Variants in NUP210L observed in about 807,000 individuals in gnomAD.
The protein encoded by NUP210L is nuclear pore membrane glycoprotein 210-like.
NUP210L carries 74 observed loss-of-function variants against 208.5 expected under a neutral mutation model. That is an observed-to-expected ratio of 0.35 (90% CI 0.29 to 0.43). The LOEUF is 0.43. NUP210L is among the 20% of genes least tolerant of loss of function. NUP210L has a pLI of 1.00. For missense variants in NUP210L, 1,843 were observed against 2,289.4 expected (o/e 0.81, Z 3.98); for synonymous variants, 780 against 816.9 (o/e 0.95, Z 0.77).
intron 16 of NUP210L, among the ~76,000 whole-genome samples, chr1:154,083,102 C>G (rs1655434362): frequency 6.6e-6 from 1 of 152,102 alleles, no homozygotes; most frequent in African/African-American, 2.4e-5. Context: ...ACAAATATTC[C>G]GCAGCACAGA....
intron 19 of NUP210L, 49 bp downstream of exon 19, chr1:154,060,893 A>C: frequency 8.0e-7 from 1 of 1,246,542 alleles, no homozygotes; most frequent in Non-Finnish European, 1.2e-6. Flanking sequence ...AATTTTAATA[A>C]CTTCCCCTCC....
In NUP210L at chr1:154,072,549, G is replaced by C. The variant is rs192942885; in HGVS notation, c.2362-2084C>G. ...GGGTTTCACCGTGTTAGCCAGGATGGTCTTGATCTCCTGACCTCATGATCC... is the reference window on the plus strand; with the variant it reads ...GGGTTTCACCGTGTTAGCCAGGATGCTCTTGATCTCCTGACCTCATGATCC... On this transcript the variant is annotated intron_variant, in intron 16 of 39. Coordinates refer to ENST00000368559, the Ensembl canonical transcript of NUP210L. Among the ~76,000 whole-genome samples, 15 of 151,982 alleles carry C rather than the reference G, an allele frequency of 9.9e-5. No homozygotes were observed. In the East Asian group the frequency reaches 2.5e-3, roughly 25 times the overall value.
At chr1:154,109,988 C>A (rs1440369164) in intron 12 of NUP210L, among the ~76,000 whole-genome samples, 1 of 151,262 alleles carries the variant, frequency 6.6e-6, no homozygotes, top group African/African-American at 2.5e-5. Flanking sequence ...AATCCCTGCA[C>A]TTTGGGAGGC....
At position 154,046,067 on chromosome 1, in the gene NUP210L, A is replaced by G; in HGVS notation, c.3696+2T>C. On this transcript the variant is annotated splice_donor_variant, in intron 27 of 39. Transcript: ENST00000368559. LOFTEE classifies it high-confidence loss of function. ...TAACACAATAAACAGGCAAATTCTT[A>G]CCTCTGAATGCCTGGGCACTAGATC... The G allele has an allele frequency of 6.2e-7, 1 of 1,612,836 alleles. No homozygotes were observed. Among genetic ancestry groups the G allele is most frequent in the Non-Finnish European group, 8.5e-7 (1 of 1,179,464 alleles).
intron 25 of NUP210L, among the ~76,000 whole-genome samples, chr1:154,048,809 A>G (rs578087960): frequency 6.6e-6 from 1 of 152,200 alleles, no homozygotes; most frequent in Non-Finnish European, 1.5e-5. Context: ...AAAGGAGTGC[A>G]AGTACATACA....
At chr1:154,093,906 T>A (rs905298151) in intron 15 of NUP210L, among the ~76,000 whole-genome samples, 1 of 152,160 alleles carries the variant, frequency 6.6e-6, no homozygotes, top group African/African-American at 2.4e-5. Context: ...ATCCCAGCAC[T>A]TTGGGAGGCC....
intron 27 of NUP210L, among the ~76,000 whole-genome samples, chr1:154,044,585 G>A (rs889007705): frequency 6.6e-6 from 1 of 152,002 alleles, no homozygotes; most frequent in Non-Finnish European, 1.5e-5. Context: ...TTTTTAGAAA[G>A]ATTACAAATT....
chr1:154,001,619 C>A, intron 36 of NUP210L, 116 bp downstream of exon 36: 1 of 1,131,352 alleles, frequency 8.8e-7, no homozygotes, highest in Middle Eastern at 2.9e-4. Context: ...TTGTCATTTC[C>A]TATGGTAATT....
intron 33 of NUP210L, among the ~76,000 whole-genome samples, chr1:154,015,283 A>G (rs1208662276): frequency 6.8e-6 from 1 of 147,000 alleles, no homozygotes; most frequent in Non-Finnish European, 1.5e-5. Flanking sequence ...TGGATGTTAA[A>G]AAAAAAAAAA....
intron 16 of NUP210L, among the ~76,000 whole-genome samples, chr1:154,071,603 G>C (rs545738775): frequency 6.9e-6 from 1 of 145,566 alleles, no homozygotes; most frequent in Non-Finnish European, 1.5e-5. Flanking sequence ...CATCCAGGTT[G>C]CTGCAAATAC....
chr1:154,134,126 G>A (rs1658393295), intron 7 of NUP210L, among the ~76,000 whole-genome samples: 1 of 150,132 alleles, frequency 6.7e-6, no homozygotes, highest in Non-Finnish European at 1.5e-5. Context: ...CTCCAGCTTG[G>A]GCAACAAGAG....
intron 28 of NUP210L, 24 bp downstream of exon 28, chr1:154,029,872 T>C (rs958031992): frequency 1.9e-6 from 3 of 1,581,194 alleles, no homozygotes; most frequent in Non-Finnish European, 2.6e-6. Context: ...TATACGAAAA[T>C]AAGATTTAGA....
intron 10 of NUP210L, among the ~76,000 whole-genome samples, chr1:154,123,050 C>CA (rs112543992): frequency 1.7e-4 from 14 of 83,746 alleles, no homozygotes; most frequent in African/African-American, 8.0e-4. Context: ...GACCCTGTCT[C>CA]AAAAAAAAAA....
At position 154,073,790 on chromosome 1, in the gene NUP210L, G is replaced by A. The variant is rs561559394; in HGVS notation, c.2362-3325C>T. Among the ~76,000 whole-genome samples, 14 of 149,506 alleles carry A rather than the reference G, an allele frequency of 9.4e-5. 1 individual carries two copies. The highest frequency in any genetic ancestry group is 8.2e-4 in the Admixed American group (12 of 14,620). ...AGAATGGACCACTGCACTCCAGCCT[G>A]GGCGACAGAGTGAGACTCTGTCTCA... is the stretch of plus-strand genomic sequence containing the variant. On this transcript the variant is annotated intron_variant, in intron 16 of 39. Coordinates refer to ENST00000368559, the Ensembl canonical transcript of NUP210L.
intron 14 of NUP210L, among the ~76,000 whole-genome samples, chr1:154,095,720 C>T (rs4459102): frequency 0.87 from 132,833 of 152,180 alleles, 58,259 homozygotes; most frequent in Admixed American, 0.92. Flanking sequence ...ATTTTACTAA[C>T]GTATCAAAGA....
exon 28 of NUP210L, chr1:154,029,913 C>A (rs1187210632): frequency 6.2e-7 from 1 of 1,608,218 alleles, no homozygotes; most frequent in Non-Finnish European, 8.5e-7. Flanking sequence ...TGTACTTCAT[C>A]AGAGAGTTCC....
At chr1:154,145,686 A>G (rs955287317) in intron 2 of NUP210L, among the ~76,000 whole-genome samples, 7 of 152,224 alleles carry the variant, frequency 4.6e-5, no homozygotes, top group African/African-American at 7.2e-5. Context: ...ACAATAAGCA[A>G]GGTGGGAAGG....
intron 27 of NUP210L, among the ~76,000 whole-genome samples, chr1:154,045,555 A>G (rs1653127146): frequency 6.6e-6 from 1 of 152,212 alleles, no homozygotes; most frequent in African/African-American, 2.4e-5. Flanking sequence ...AAATAATCAT[A>G]CAGTATTATC....
intron 16 of NUP210L, among the ~76,000 whole-genome samples, chr1:154,071,085 GTTTTGTT>G (rs758212183): frequency 2.4e-4 from 35 of 148,102 alleles, no homozygotes; most frequent in South Asian, 8.5e-4. Flanking sequence ...TTTTTGTTTT[GTTTTGTT>G]TTTTGTTTTT....
Sources: allele counts gnomAD v4.1 joint callset (sites outside exome capture counted in the v4.1 genomes callset), GRCh38; gene constraint gnomAD v4.1.1; transcripts MANE v1.5; gene names NCBI Gene and HGNC (gene_info 2026-07-23, HGNC 2026-07-21).